GLIS3: variants seen among roughly 807,000 people sequenced by gnomAD.
The protein encoded by GLIS3 is zinc finger protein GLIS3.
Under a neutral mutation model 78.6 loss-of-function variants are expected in GLIS3, and 53 were observed. The ratio of observed to expected loss-of-function variants is 0.67; its 90% CI spans 0.54 to 0.85. GLIS3 has a LOEUF of 0.85. Among genes scored for constraint, GLIS3 ranks in the 40% least tolerant of loss-of-function variants. The pLI, the probability that GLIS3 is intolerant of heterozygous loss-of-function variation, is 0.00. For missense variants in GLIS3, 1,703 were observed against 1,231.1 expected, an observed-to-expected ratio of 1.38 and a Z score of -5.74; for synonymous variants, 684 against 509.9, an observed-to-expected ratio of 1.34 and a Z score of -4.60.
intron 2 of GLIS3, among the ~76,000 whole-genome samples, chr9:4,324,353 T>C (rs1047252011): frequency 2.9e-4 from 44 of 152,324 alleles, no homozygotes; most frequent in Admixed American, 1.3e-3. Flanking sequence ...AATGTCATCT[T>C]AGATAAGTTA....
the GLIS3 span, among the ~76,000 whole-genome samples, chr9:4,377,249 G>C: frequency 7.4e-6 from 1 of 135,360 alleles, no homozygotes; most frequent in African/African-American, 2.6e-5. Flanking sequence ...GGCTGCCAGC[G>C]CATCTGGAAC....
chr9:4,033,885 A>AAC (rs1824081989), intron 4 of GLIS3, among the ~76,000 whole-genome samples: 1 of 150,794 alleles, frequency 6.6e-6, no homozygotes, highest in Admixed American at 6.6e-5. Context: ...AAAAAAAAAA[A>AAC]AAAAACTAGA....
At chr9:4,061,174 T>C (rs1224153547) in intron 4 of GLIS3, among the ~76,000 whole-genome samples, 1 of 151,658 alleles carries the variant, frequency 6.6e-6, no homozygotes, top group East Asian at 1.9e-4. Context: ...CATTAACTCG[T>C]CATTTACATT....
At chr9:4,467,362 T>C in the GLIS3 span, among the ~76,000 whole-genome samples, 2 of 152,098 alleles carry the variant, frequency 1.3e-5, no homozygotes, top group African/African-American at 4.8e-5. Flanking sequence ...CCGAGTAGTA[T>C]AACTAGGAGA....
intron 4 of GLIS3, among the ~76,000 whole-genome samples, chr9:3,953,570 C>A: frequency 6.6e-6 from 1 of 152,136 alleles, no homozygotes; most frequent in Non-Finnish European, 1.5e-5. Context: ...TTTCTGCAGG[C>A]AATATCTGAA....
chr9:4,194,780 C>T (rs1166669012), intron 2 of GLIS3, among the ~76,000 whole-genome samples: 1 of 152,182 alleles, frequency 6.6e-6, no homozygotes, highest in Non-Finnish European at 1.5e-5. Context: ...GCAACCCTGG[C>T]CAAGGGAGAG....
intron 2 of GLIS3, among the ~76,000 whole-genome samples, chr9:4,263,031 T>A (rs1052369418): frequency 1.3e-5 from 2 of 151,978 alleles, no homozygotes; most frequent in East Asian, 3.9e-4. Context: ...AAGGCAAGGC[T>A]AGAATGTTTC....
intron 2 of GLIS3, among the ~76,000 whole-genome samples, chr9:4,226,533 G>A (rs372681596): frequency 1.3e-5 from 2 of 152,138 alleles, no homozygotes; most frequent in African/African-American, 4.8e-5. Context: ...TATGCCTAAG[G>A]GGGAGGGAAT....
At chr9:4,156,301 G>A (rs57410709) in intron 2 of GLIS3, among the ~76,000 whole-genome samples, 11 of 152,094 alleles carry the variant, frequency 7.2e-5, no homozygotes, top group African/African-American at 2.4e-4. Flanking sequence ...TTTCCTACAC[G>A]AATTTCTCTA....
chr9:4,447,638 G>A, the GLIS3 span, among the ~76,000 whole-genome samples: 1 of 152,158 alleles, frequency 6.6e-6, no homozygotes, highest in African/African-American at 2.4e-5. Flanking sequence ...CTGAACCTCA[G>A]TCTGCTTCTA....
intron 8 of GLIS3, among the ~76,000 whole-genome samples, chr9:3,873,216 C>T (rs1224954986): frequency 6.6e-6 from 1 of 152,152 alleles, no homozygotes; most frequent in East Asian, 1.9e-4. Context: ...GGGAATTCTC[C>T]CACAGTCATT....
chr9:3,996,251 T>C (rs1820737786), intron 4 of GLIS3, among the ~76,000 whole-genome samples: 1 of 152,214 alleles, frequency 6.6e-6, no homozygotes, highest in South Asian at 2.1e-4. Flanking sequence ...TTCTAAAAGA[T>C]GTCCTTCAGA....
At chr9:4,257,667 G>A (rs868271279) in intron 2 of GLIS3, among the ~76,000 whole-genome samples, 2 of 151,758 alleles carry the variant, frequency 1.3e-5, no homozygotes, top group African/African-American at 4.8e-5. Flanking sequence ...TCCGCCTCCC[G>A]GGTTCAGGCC....
At chr9:4,065,613 G>GT (rs1482466138) in intron 4 of GLIS3, among the ~76,000 whole-genome samples, 1 of 152,160 alleles carries the variant, frequency 6.6e-6, no homozygotes, top group Non-Finnish European at 1.5e-5. Context: ...TATTAACTGT[G>GT]TAAGTTTCCT....
At chr9:4,011,842 T>A (rs189056058) in intron 4 of GLIS3, among the ~76,000 whole-genome samples, 53 of 152,184 alleles carry the variant, frequency 3.5e-4, no homozygotes, top group African/African-American at 1.3e-3. Context: ...CTTAACATTT[T>A]TTTTTATTGT....
intron 2 of GLIS3, among the ~76,000 whole-genome samples, chr9:4,132,418 T>C (rs942819129): frequency 1.3e-5 from 2 of 152,232 alleles, no homozygotes; most frequent in Non-Finnish European, 1.5e-5. Context: ...TGGCTGATTA[T>C]GTCACAATTA....
intron 8 of GLIS3, among the ~76,000 whole-genome samples, chr9:3,869,177 G>T (rs1394878473): frequency 6.6e-6 from 1 of 152,086 alleles, no homozygotes; most frequent in African/African-American, 2.4e-5. Flanking sequence ...CTAGTGCCGG[G>T]GTAGATTTTG....
the GLIS3 span, among the ~76,000 whole-genome samples, chr9:4,414,102 CA>C: frequency 6.6e-6 from 1 of 151,938 alleles, no homozygotes; most frequent in African/African-American, 2.4e-5. Flanking sequence ...GTGAAGCTGG[CA>C]AAATCAAGAT....
intron 4 of GLIS3, 21 bp downstream of exon 4, chr9:4,117,747 C>G: frequency 1.9e-6 from 3 of 1,614,114 alleles, no homozygotes; most frequent in Non-Finnish European, 2.5e-6. Flanking sequence ...AGAGGTCACC[C>G]CTTGCGCTTC....
Sources: gnomAD v4.1 joint callset for allele counts (sites outside exome capture counted in the v4.1 genomes callset) on GRCh38, gnomAD v4.1.1 for gene constraint, MANE v1.5 for transcripts, NCBI Gene and HGNC (gene_info 2026-07-23, HGNC 2026-07-21) for gene names.